The following PLG variants were observed in gnomAD, a reference collection of about 807,000 sequenced individuals.
PLG encodes plasmin.
PLG carries 41 observed loss-of-function variants against 104.4 expected under a neutral mutation model. The observed-to-expected ratio is 0.39, with a 90% CI of 0.31 to 0.51. PLG has a LOEUF of 0.51. Ranked by LOEUF, PLG falls within the 20% of genes least tolerant of loss-of-function variation. The pLI, the probability that PLG is intolerant of heterozygous loss-of-function variation, is 0.76. For synonymous variants in PLG, 337 were observed against 357.1 expected (o/e 0.94, Z 0.63); for missense variants, 891 against 1,003.6 (o/e 0.89, Z 1.52).
chr6:160,703,784 G>C (rs1056523440), intron 1 of PLG, among the ~76,000 whole-genome samples: 1 of 152,116 alleles, frequency 6.6e-6, no homozygotes, highest in Non-Finnish European at 1.5e-5. Context: ...TTATTCAGTG[G>C]GCTACACCCA....
intron 2 of PLG, among the ~76,000 whole-genome samples, chr6:160,707,281 T>C (rs996721773): frequency 6.6e-6 from 1 of 151,646 alleles, no homozygotes; most frequent in Non-Finnish European, 1.5e-5. Flanking sequence ...ATGGGAGGGG[T>C]CAGGGGCCAG....
chr6:160,728,528 C>T (rs1777953694), intron 10 of PLG, among the ~76,000 whole-genome samples: 1 of 151,378 alleles, frequency 6.6e-6, no homozygotes, highest in Non-Finnish European at 1.5e-5. Flanking sequence ...GTACAGTAAA[C>T]AAGATATGTG....
At chr6:160,720,661 C>T (rs1207124575) in intron 9 of PLG, among the ~76,000 whole-genome samples, 4 of 152,068 alleles carry the variant, frequency 2.6e-5, no homozygotes, top group African/African-American at 7.2e-5. Flanking sequence ...CTCAGACGGT[C>T]CATCACCTTG....
rs1409588586 is a variant in PLG at position 160,722,574 on chromosome 6, C to T, written c.1256+7C>T. The T allele has an allele frequency of 6.2e-7, 1 of 1,612,686 alleles. No individual in the cohort carries two copies. The highest frequency in any genetic ancestry group is 1.3e-5 in the African/African-American group (1 of 74,952). ...CAGAAAACTACCCAAATGCGTATGT[C>T]TTTGATTTTTACTGTAAGAGGGGCA... On this transcript the variant is annotated splice_region_variant and intron_variant, in intron 10 of 18. Coordinates refer to ENST00000308192, the MANE Select transcript of PLG (RefSeq NM_000301.5).
Position 160,734,142 on chromosome 6 carries a change from C to CA in PLG, c.1681+60dup. ...CTGCTTACTTAATATGGATTTGCAA[C>CA]AAAAAAGGAAAAGGGCTTCTGAGCA... On this transcript the variant is annotated intron_variant, in intron 13 of 18. Transcript: ENST00000308192. This position sits in a 1 kb window ranked among gnomAD's most constrained non-coding sequence, Gnocchi z 4.4. 9.5e-7 allele frequency: 1 copy of CA among 1,047,580 alleles called. No homozygotes were observed. The highest frequency in any genetic ancestry group is 1.5e-6 in the Non-Finnish European group (1 of 667,890). 64.9% of individuals were successfully genotyped at this position (1,047,580 alleles called of 1,614,324 possible). A position where few individuals can be genotyped will look rare whatever the true frequency, so the allele number is the denominator to read the frequency against.
At position 160,713,019 on chromosome 6, in the gene PLG, G is replaced by A; in HGVS notation, c.441G>A (p.Leu147=). 6.2e-7 allele frequency: 1 copy of A among 1,607,610 alleles called. No homozygotes were observed. The highest frequency in any genetic ancestry group is 8.5e-7 in the Non-Finnish European group (1 of 1,175,854). ...CTGCTACACACCCCTCAGAGGGACT[G>A]GAGGAGAACTACTGCAGGAATCCAG... ...FSPATHPSEG[L]EENYCRNPDN... is the part of the protein sequence containing the mutation. The change falls in exon 5 of 19, where the codon CTG becomes CTA. Residue 147 remains leucine, a synonymous_variant. Coordinates refer to ENST00000308192, the MANE Select transcript of PLG (RefSeq NM_000301.5).
intron 2 of PLG, 169 bp downstream of exon 2, chr6:160,706,711 T>A: frequency 1.5e-6 from 1 of 675,392 alleles, no homozygotes; most frequent in South Asian, 1.9e-5. Flanking sequence ...CTTGTTAAGG[T>A]TTATTGGAGT....
Position 160,718,385 on chromosome 6 carries a change from G to A in PLG, c.879G>A (p.Gly293=), listed in dbSNP as rs1777777719. 1 of 1,613,604 alleles carries A rather than the reference G, an allele frequency of 6.2e-7. No individual in the cohort carries two copies. The highest frequency in any genetic ancestry group is 1.7e-5 in the Admixed American group (1 of 60,028). The change falls in exon 8 of 19, where the codon GGG becomes GGA. Residue 293 remains glycine, a synonymous_variant. Transcript: ENST00000308192. ...YRGNVAVTVS[G]HTCQHWSAQT... ...GGAATGTGGCTGTTACCGTGTCCGG[G>A]CACACCTGTCAGCACTGGAGTGCAC... is the stretch of plus-strand genomic sequence containing the variant.
rs1323855373 is a variant in PLG, at chr6:160,739,288, T to C, written c.2018+80T>C. On this transcript the variant is annotated intron_variant, in intron 16 of 18. Transcript: ENST00000308192. This position sits in a 1 kb window ranked among gnomAD's most constrained non-coding sequence, Gnocchi z 4.4. The stretch of plus-strand genomic sequence containing the variant: ...TCTGGGTTTTATGGGCCATGGCCAC[T>C]GCATGGCAGTGGGGAGGAACTGTCT... 1.6e-5 allele frequency: 25 copies of C among 1,548,272 alleles called. No homozygotes were observed. Among genetic ancestry groups the C allele is most frequent in the East Asian group, 1.3e-4 (6 of 44,502 alleles).
Position 160,752,183 on chromosome 6 carries a change from T to C in PLG, c.2194T>C (p.Tyr732His), listed in dbSNP as rs145177652. ...GATTGAGAATAAAGTGTGCAATCGC[T>C]ATGAGTTTCTGAATGGAAGAGTCCA... ...PVIENKVCNR[Y>H]EFLNGRVQST... Residue 732 changes from tyrosine to histidine, a missense_variant, in exon 18 of 19, where the codon TAT (tyrosine) becomes CAT (histidine). Around this residue, in one of 2 missense-constraint regions of PLG, gnomAD observed 854 missense variants for 932.1 expected, o/e 0.92. Coordinates refer to ENST00000308192, the MANE Select transcript of PLG (RefSeq NM_000301.5). The surrounding 1 kb of genome is among the most constrained non-coding windows in gnomAD (Gnocchi z 4.7). The C allele has an allele frequency of 4.8e-5, 78 of 1,612,528 alleles. No individual in the cohort carries two copies. The highest frequency in any genetic ancestry group is 1.6e-4 in the Middle Eastern group (1 of 6,084).
intron 10 of PLG, among the ~76,000 whole-genome samples, chr6:160,727,058 C>T (rs1157924752): frequency 6.6e-6 from 1 of 151,734 alleles, no homozygotes; most frequent in Non-Finnish European, 1.5e-5. Context: ...AAGGAGGGAG[C>T]ACCACCGTCA....
rs1778002221 is a variant in PLG at position 160,731,722 on chromosome 6, T to C, written c.1439-23T>C. 1.9e-6 allele frequency: 3 copies of C among 1,611,856 alleles called. No homozygotes were observed. The highest frequency in any genetic ancestry group is 1.7e-6 in the Non-Finnish European group (2 of 1,178,106). ...CCTGGGTCTCTGTGGCTCTTCATAATCATCCATTTTTTCCCTGTACAGACT... is the reference window on the plus strand; with the variant it reads ...CCTGGGTCTCTGTGGCTCTTCATAACCATCCATTTTTTCCCTGTACAGACT... On this transcript the variant is annotated intron_variant, in intron 11 of 18. Coordinates refer to ENST00000308192, the MANE Select transcript of PLG (RefSeq NM_000301.5). The surrounding 1 kb of genome is among the most constrained non-coding windows in gnomAD (Gnocchi z 5.1).
chr6:160,748,660 A>G (rs1330831373), intron 17 of PLG, among the ~76,000 whole-genome samples: 1 of 152,176 alleles, frequency 6.6e-6, no homozygotes, highest in Middle Eastern at 3.2e-3. Flanking sequence ...CTTTCTTGCA[A>G]GTGACAGAAA....
rs201012515 is a variant in PLG, at chr6:160,733,684, AG to A, written c.1588-310del. On this transcript the variant is annotated intron_variant, in intron 12 of 18. Transcript: ENST00000308192. ...GTGAAACCTCATCTCTACTGAAAATAGAAAAAAAAATTAGCCAGGTGTGGTG... is the reference window on the plus strand; with the variant it reads ...GTGAAACCTCATCTCTACTGAAAATAAAAAAAAAATTAGCCAGGTGTGGTG... 9.1e-3 allele frequency among the ~76,000 whole-genome samples: 1,380 copies of A among 151,532 alleles called. 18 individuals carry two copies. The highest frequency in any genetic ancestry group is 0.044 in the Middle Eastern group (13 of 294).
Position 160,734,139 on chromosome 6 carries a change from C to A in PLG, c.1681+51C>A. 2 of 1,099,848 alleles carry A rather than the reference C, an allele frequency of 1.8e-6. No individual in the cohort carries two copies. The highest frequency in any genetic ancestry group is 2.8e-6 in the Non-Finnish European group (2 of 714,982). 68.1% of individuals were successfully genotyped at this position (1,099,848 alleles called of 1,614,324 possible). A position where few individuals can be genotyped will look rare whatever the true frequency, so the allele number is the denominator to read the frequency against. ...AAACTGCTTACTTAATATGGATTTG[C>A]AACAAAAAAGGAAAAGGGCTTCTGA... On this transcript the variant is annotated intron_variant, in intron 13 of 18. Transcript: ENST00000308192. The surrounding 1 kb of genome is among the most constrained non-coding windows in gnomAD (Gnocchi z 4.4).
Position 160,735,383 on chromosome 6 carries a change from G to A in PLG, c.1681+1295G>A, listed in dbSNP as rs115082416. 5.4e-3 allele frequency among the ~76,000 whole-genome samples: 817 copies of A among 152,328 alleles called. 6 individuals are homozygous for A. Among genetic ancestry groups the A allele is most frequent in the African/African-American group, 0.019 (781 of 41,572 alleles). On this transcript the variant is annotated intron_variant, in intron 13 of 18. Coordinates refer to ENST00000308192, the MANE Select transcript of PLG (RefSeq NM_000301.5). This position sits in a 1 kb window ranked among gnomAD's most constrained non-coding sequence, Gnocchi z 5.4. ...TTGACTCCCATGGAAGGGAAGTGCAGTAGTTTCCCAGGTGCAATTCTGGTG... is the reference window on the plus strand; with the variant it reads ...TTGACTCCCATGGAAGGGAAGTGCAATAGTTTCCCAGGTGCAATTCTGGTG...
At chr6:160,702,540 G>T (rs920312555) in intron 1 of PLG, among the ~76,000 whole-genome samples, 187 bp downstream of exon 1, 9 of 152,250 alleles carry the variant, frequency 5.9e-5, no homozygotes, top group African/African-American at 1.9e-4. Flanking sequence ...AGATTGTCAG[G>T]GTGCTGGAAT....
At position 160,724,144 on chromosome 6, in the gene PLG, A is replaced by T. The variant is rs1321197; in HGVS notation, c.1256+1577A>T. On this transcript the variant is annotated intron_variant, in intron 10 of 18. Coordinates refer to ENST00000308192, the MANE Select transcript of PLG (RefSeq NM_000301.5). This position sits in a 1 kb window ranked among gnomAD's most constrained non-coding sequence, Gnocchi z 5.0. ...CATAACCAGGAGAAAAAGCACTCAA[A>T]ACAAATAAACCCCAAAATGAAGAAA... Among the ~76,000 whole-genome samples, 48,376 of 152,104 alleles carry T rather than the reference A, an allele frequency of 0.32. 8,449 individuals carry two copies. Among genetic ancestry groups the T allele is most frequent in the Middle Eastern group, 0.49 (145 of 294 alleles).
intron 17 of PLG, among the ~76,000 whole-genome samples, chr6:160,749,938 T>C (rs1285590728): frequency 7.1e-6 from 1 of 141,664 alleles, no homozygotes; most frequent in Non-Finnish European, 1.5e-5. Context: ...TCATTAACAA[T>C]AGACATCACA....
Sources: gnomAD v4.1 joint callset for allele counts (sites outside exome capture counted in the v4.1 genomes callset) on GRCh38, gnomAD v4.1.1 for gene constraint, gnomAD v4.1.1 regional missense constraint, Gnocchi (gnomAD v3.1) non-coding constraint, MANE v1.5 for transcripts, NCBI Gene and HGNC (gene_info 2026-07-23, HGNC 2026-07-21) for gene names.